The following TBC1D2 variants were observed in gnomAD, a reference collection of about 807,000 sequenced individuals.
TBC1D2 encodes TBC1 domain family member 2A.
A neutral mutation model predicts 91.1 loss-of-function variants in TBC1D2; 58 were observed. The observed-to-expected ratio is 0.64, with a 90% CI of 0.52 to 0.79. The LOEUF is 0.79. TBC1D2 is among the 30% of genes least tolerant of loss of function. The pLI, the probability that TBC1D2 is intolerant of heterozygous loss-of-function variation, is 0.00. For missense variants in TBC1D2, 1,080 were observed against 1,208.3 expected (o/e 0.89, Z 1.57); for synonymous variants, 482 against 511.5 (o/e 0.94, Z 0.78).
Position 98,213,112 on chromosome 9 carries a change from G to T in TBC1D2, c.1481C>A (p.Thr494Lys), listed in dbSNP as rs755513552. 1 of 1,613,988 alleles carries T rather than the reference G, an allele frequency of 6.2e-7. No homozygotes were observed. Among genetic ancestry groups the T allele is most frequent in the African/African-American group, 1.3e-5 (1 of 74,908 alleles). The change falls in exon 7 of 13, where the codon ACG (threonine) becomes AAG (lysine). Residue 494 changes from threonine (T) to lysine (K), a missense_variant. Physicochemically the swap from Thr to Lys is moderately conservative, Grantham distance 78 (BLOSUM62 -1). Coordinates refer to ENST00000465784, the MANE Select transcript of TBC1D2 (RefSeq NM_001267571.2). The part of the protein sequence containing the change: ...KVAEKEKALL[T>K]KCAYLQARNC... ...GAATAGGGCCCCACCCCGCACCTTCGTCAGAAGGGCCTTCTCCTTCTCAGC... is the reference window on the plus strand; with the variant it reads ...GAATAGGGCCCCACCCCGCACCTTCTTCAGAAGGGCCTTCTCCTTCTCAGC...
In TBC1D2 at chr9:98,238,900, T is replaced by G. The variant is rs974610045; in HGVS notation, c.647+5094A>C. ...ACCATGGCCGGCTAATTTTTGTATT[T>G]TTAGTAGAGATGGGATTTCACCATA... On this transcript the variant is annotated intron_variant, in intron 3 of 12. Transcript: ENST00000465784. Among the ~76,000 whole-genome samples the G allele has an allele frequency of 2.0e-5, 3 of 151,918 alleles. No homozygotes were observed. The South Asian group carries it at 6.2e-4, about 32-fold the overall frequency.
At chr9:98,242,633 G>C (rs749190193) in intron 3 of TBC1D2, among the ~76,000 whole-genome samples, 1 of 151,976 alleles carries the variant, frequency 6.6e-6, no homozygotes, top group African/African-American at 2.4e-5. Flanking sequence ...TGCATTAAAC[G>C]ATTTAATTAC....
At chr9:98,224,747 G>C (rs910393578) in intron 5 of TBC1D2, among the ~76,000 whole-genome samples, 1 of 152,118 alleles carries the variant, frequency 6.6e-6, no homozygotes, top group African/African-American at 2.4e-5. Context: ...TCAGTGGTGG[G>C]CCCTACAGGG....
Position 98,221,109 on chromosome 9 carries a change from C to T in TBC1D2, c.1098G>A (p.Val366=). ...GCCGGCCCAGCTCCGCGATCTGCCG[C>T]ACTTTGTGCCGCACCAGCTCCAGCC... ...KDRLELVRHK[V]RQIAELGRRV... Residue 366 remains valine, a synonymous_variant, in exon 6 of 13, where the codon GTG becomes GTA. Transcript: ENST00000465784. 6.2e-7 allele frequency: 1 copy of T among 1,601,736 alleles called. No individual in the cohort carries two copies. The highest frequency in any genetic ancestry group is 8.5e-7 in the Non-Finnish European group (1 of 1,174,808).
At chr9:98,217,299 G>A (rs1434044373) in intron 6 of TBC1D2, among the ~76,000 whole-genome samples, 1 of 152,260 alleles carries the variant, frequency 6.6e-6, no homozygotes, top group African/African-American at 2.4e-5. Context: ...GACCAGGGAA[G>A]CAGGAGCCCG....
chr9:98,203,394 G>A lies in TBC1D2; in HGVS notation c.2165C>T (p.Ala722Val). The A allele has an allele frequency of 6.2e-7, 1 of 1,614,164 alleles. No homozygotes were observed. The change falls in exon 10 of 13, where the codon GCC becomes GTC. Residue 722 changes from alanine (A) to valine (V), a missense_variant. Physicochemically the swap from Ala to Val is moderately conservative, Grantham distance 64. Coordinates refer to ENST00000465784, the MANE Select transcript of TBC1D2 (RefSeq NM_001267571.2). Reference protein sequence around the residue: ...CQGLNRLAAIALLVLEEEESA... With the variant: ...CQGLNRLAAIVLLVLEEEESA... ...CTCCTCCTCCTCTAGGACCAGCAGG[G>A]CAATGGCCGCCAGCCTGGAGTAGTA...
At position 98,221,205 on chromosome 9, in the gene TBC1D2, C is replaced by T; in HGVS notation, c.1002G>A (p.Lys334=). ...TCTCCTGCTGGGCGGCCTCCAGTGC[C>T]TTGTGCAGGATCTTCACTAGCTCCT... ...SQKELVKILH[K]ALEAAQQEKR... is the part of the protein sequence containing the mutation. The change falls in exon 6 of 13, where the codon AAG becomes AAA. Residue 334 remains lysine (K), a synonymous_variant. Coordinates refer to ENST00000465784, the MANE Select transcript of TBC1D2 (RefSeq NM_001267571.2). The T allele has an allele frequency of 6.4e-7, 1 of 1,550,942 alleles. No homozygotes were observed. The highest frequency in any genetic ancestry group is 8.7e-7 in the Non-Finnish European group (1 of 1,146,234).
intron 5 of TBC1D2, among the ~76,000 whole-genome samples, chr9:98,224,280 C>CTTTTTTTTTTTTTTTTTTT (rs1170210699): frequency 9.3e-6 from 1 of 107,420 alleles, no homozygotes; most frequent in Non-Finnish European, 1.9e-5. Context: ...TTTTTCTTTT[C>CTTTTTTTTTTTTTTTTTTT]TTTTTTTTTT....
intron 11 of TBC1D2, 67 bp from the exon 12 acceptor site, chr9:98,200,441 A>T (rs958714570): frequency 6.0e-6 from 9 of 1,498,690 alleles, no homozygotes; most frequent in African/African-American, 2.8e-5. Flanking sequence ...GGAGGGAGGG[A>T]ACCTGACAGA....
intron 5 of TBC1D2, among the ~76,000 whole-genome samples, chr9:98,226,110 C>A (rs898568744): frequency 6.6e-6 from 1 of 152,236 alleles, no homozygotes; most frequent in Non-Finnish European, 1.5e-5. Context: ...GGGGGCACCA[C>A]TGGGCACCCA....
chr9:98,204,462 C>A (rs1828596924), intron 9 of TBC1D2, among the ~76,000 whole-genome samples: 1 of 152,154 alleles, frequency 6.6e-6, no homozygotes, highest in Admixed American at 6.5e-5. Flanking sequence ...CCTCAGAGGA[C>A]CCTGGAGAGA....
chr9:98,237,207 C>A (rs895845693), intron 3 of TBC1D2, among the ~76,000 whole-genome samples: 2 of 151,826 alleles, frequency 1.3e-5, no homozygotes, highest in Non-Finnish European at 2.9e-5. Flanking sequence ...CGTAGTGGCT[C>A]ATGCCTGTAA....
chr9:98,211,560 G>GA (rs1828840601), intron 7 of TBC1D2, among the ~76,000 whole-genome samples: 1 of 152,202 alleles, frequency 6.6e-6, no homozygotes, highest in Admixed American at 6.5e-5. Flanking sequence ...TGGGGACAGT[G>GA]AAAATCCACT....
At chr9:98,234,451 G>A (rs1393685295) in intron 3 of TBC1D2, among the ~76,000 whole-genome samples, 2 of 152,202 alleles carry the variant, frequency 1.3e-5, no homozygotes, top group Non-Finnish European at 2.9e-5. Context: ...AATGATGAAA[G>A]GAGTTCACTA....
Position 98,239,927 on chromosome 9 carries a change from A to G in TBC1D2, c.647+4067T>C, listed in dbSNP as rs559172580. On this transcript the variant is annotated intron_variant, in intron 3 of 12. Transcript: ENST00000465784. ...AATGTGTCTTTCTAGGAATTTGTCCATTTTCATCTAAGTTATCAAATTTGT... is the reference window on the plus strand; with the variant it reads ...AATGTGTCTTTCTAGGAATTTGTCCGTTTTCATCTAAGTTATCAAATTTGT... Among the ~76,000 whole-genome samples, 326 of 152,192 alleles carry G rather than the reference A, an allele frequency of 2.1e-3. 6 individuals carry two copies. Among genetic ancestry groups the G allele is most frequent in the South Asian group, 7.0e-3 (34 of 4,828 alleles).
At position 98,199,185 on chromosome 9, in the gene TBC1D2, T is replaced by C. The variant is rs1379888915; in HGVS notation, c.*196A>G. On this transcript the variant is annotated 3_prime_UTR_variant, in exon 13 of 13. Transcript: ENST00000465784. ...GCATCCCTGGGTAAGTAAGTGCCTA[T>C]GAAGAAGTAGCCCAACCAATGGCTT... 1 of 647,336 alleles carries C rather than the reference T, an allele frequency of 1.5e-6. No homozygotes were observed. Among genetic ancestry groups the C allele is most frequent in the Non-Finnish European group, 2.7e-6 (1 of 375,796 alleles). 40.1% of individuals were successfully genotyped at this position (647,336 alleles called of 1,614,324 possible). A position where few individuals can be genotyped will look rare whatever the true frequency, so the allele number is the denominator to read the frequency against.
intron 5 of TBC1D2, among the ~76,000 whole-genome samples, chr9:98,226,317 G>A (rs1429126743): frequency 1.3e-5 from 2 of 152,178 alleles, no homozygotes; most frequent in Non-Finnish European, 2.9e-5. Context: ...TCGTCTCTGA[G>A]CCCCTCAGCA....
intron 6 of TBC1D2, among the ~76,000 whole-genome samples, chr9:98,218,635 T>C (rs975774232): frequency 6.6e-6 from 1 of 152,240 alleles, no homozygotes; most frequent in African/African-American, 2.4e-5. Context: ...AGTCTCCTAG[T>C]GAGTCCATGA....
At position 98,255,580 on chromosome 9, in the gene TBC1D2, C is replaced by T; in HGVS notation, c.-39G>A. Reference sequence around the variant, plus strand: ...AGACTGCGGAGGGACGAGGGGTCCGCGGGACCACCAGGGACAAATCTCGGA... The same window carrying T: ...AGACTGCGGAGGGACGAGGGGTCCGTGGGACCACCAGGGACAAATCTCGGA... On this transcript the variant is annotated 5_prime_UTR_variant, in exon 1 of 13. Coordinates refer to ENST00000465784, the MANE Select transcript of TBC1D2 (RefSeq NM_001267571.2). 1 of 1,467,250 alleles carries T rather than the reference C, an allele frequency of 6.8e-7. No homozygotes were observed. Among genetic ancestry groups the T allele is most frequent in the Middle Eastern group, 2.0e-4 (1 of 4,920 alleles). The allele number at this position is 1,467,250 out of a possible 1,614,324, so 90.9% of individuals were successfully genotyped here.
Sources: gnomAD v4.1 joint callset for allele counts (sites outside exome capture counted in the v4.1 genomes callset) on GRCh38, gnomAD v4.1.1 for gene constraint, MANE v1.5 for transcripts, NCBI Gene and HGNC (gene_info 2026-07-23, HGNC 2026-07-21) for gene names.